Variants in SH3BP2 observed in about 807,000 individuals in gnomAD.
The protein encoded by SH3BP2 is SH3 domain-binding protein 2.
A neutral mutation model predicts 56.2 loss-of-function variants in SH3BP2; 38 were observed. The observed-to-expected ratio is 0.68, with a 90% CI of 0.52 to 0.89. The LOEUF (loss-of-function observed/expected upper bound fraction) is 0.89. SH3BP2 is among the 40% of genes least tolerant of loss of function. The pLI, the probability that SH3BP2 is intolerant of heterozygous loss-of-function variation, is 0.00. For synonymous variants in SH3BP2, 346 were observed against 316.7 expected (o/e 1.09, Z -0.98); for missense variants, 748 against 762.6 (o/e 0.98, Z 0.23).
At chr4:2,824,491 C>A (rs75140118) in intron 3 of SH3BP2, 122 bp from the exon 4 acceptor site, 2 of 778,264 alleles carry the variant, frequency 2.6e-6, no homozygotes, top group South Asian at 1.4e-5. Context: ...AGGGCCCACC[C>A]GATCTGCCCT....
At chr4:2,815,983 CTAGTA>C (rs1354046212) in intron 1 of SH3BP2, among the ~76,000 whole-genome samples, 9 of 152,140 alleles carry the variant, frequency 5.9e-5, no homozygotes, top group Non-Finnish European at 1.2e-4. Context: ...TGGATTGTTG[CTAGTA>C]TATAGAAATA....
chr4:2,818,096 G>A (rs1391661431), intron 1 of SH3BP2: 1 of 509,120 alleles, frequency 2.0e-6, no homozygotes, highest in Non-Finnish European at 2.5e-6. Context: ...GGGGGCTCAC[G>A]TGCCTCCCGC....
chr4:2,799,141 C>T lies in SH3BP2; in HGVS notation c.-5+6003C>T, dbSNP rs145040896. 1.9e-5 allele frequency: 19 copies of T among 985,802 alleles called. 1 individual carries two copies. The highest frequency in any genetic ancestry group is 1.0e-3 in the Middle Eastern group (2 of 1,914). 61.1% of individuals were successfully genotyped at this position (985,802 alleles called of 1,614,324 possible). A position where few individuals can be genotyped will look rare whatever the true frequency, so the allele number is the denominator to read the frequency against. ...CTCAGGACTTCGTTCCTGCTGTACCCCTGCTGGCTGCCTGTCCCCACAGGT... is the reference window on the plus strand; with the variant it reads ...CTCAGGACTTCGTTCCTGCTGTACCTCTGCTGGCTGCCTGTCCCCACAGGT... On this transcript the variant is annotated intron_variant, in intron 1 of 12. Coordinates refer to ENST00000503393, the MANE Select transcript of SH3BP2 (RefSeq NM_001122681.2).
intron 1 of SH3BP2, among the ~76,000 whole-genome samples, chr4:2,811,112 G>A (rs751421357): frequency 2.6e-5 from 4 of 152,094 alleles, no homozygotes; most frequent in African/African-American, 7.2e-5. Flanking sequence ...CAGCCCAAAC[G>A]GGCCCCGAGG....
Position 2,823,028 on chromosome 4 carries a change from G to C in SH3BP2, c.230G>C (p.Gly77Ala). 6.2e-7 allele frequency: 1 copy of C among 1,612,952 alleles called. No homozygotes were observed. Among genetic ancestry groups the C allele is most frequent in the Non-Finnish European group, 8.5e-7 (1 of 1,179,164 alleles). Residue 77 changes from glycine (G) to alanine (A), a missense_variant, in exon 3 of 13, where the codon GGC becomes GCC. Transcript: ENST00000503393. Reference protein sequence around the residue: ...ASPQGAFSLSGYNRVMRAAEE... With the variant: ...ASPQGAFSLSAYNRVMRAAEE... Reference sequence around the variant, plus strand: ...CCGCAGGGCGCCTTCTCCCTGAGTGGCTATAACCGGTAAGTGCCCGACCTG... The same window carrying C: ...CCGCAGGGCGCCTTCTCCCTGAGTGCCTATAACCGGTAAGTGCCCGACCTG...
chr4:2,802,908 A>G (rs1231730816), intron 1 of SH3BP2, among the ~76,000 whole-genome samples: 1 of 152,152 alleles, frequency 6.6e-6, no homozygotes, highest in Non-Finnish European at 1.5e-5. Flanking sequence ...GAGGGGCCCA[A>G]GGACCCTCAG....
intron 1 of SH3BP2, among the ~76,000 whole-genome samples, chr4:2,804,926 A>G (rs899216917): frequency 6.6e-6 from 1 of 152,216 alleles, no homozygotes; most frequent in Non-Finnish European, 1.5e-5. Flanking sequence ...GGAGAACAAA[A>G]CGAGCAGTTG....
intron 1 of SH3BP2, among the ~76,000 whole-genome samples, chr4:2,816,213 T>C (rs1285932674): frequency 6.6e-6 from 1 of 152,080 alleles, no homozygotes; most frequent in African/African-American, 2.4e-5. Flanking sequence ...TGCCACCTGG[T>C]ATTTTTAGTA....
intron 1 of SH3BP2, among the ~76,000 whole-genome samples, chr4:2,816,241 A>G (rs912466264): frequency 4.6e-5 from 7 of 152,094 alleles, no homozygotes; most frequent in Non-Finnish European, 1.0e-4. Context: ...GGGTTTCACC[A>G]TGTTGGCCAC....
intron 1 of SH3BP2, chr4:2,812,245 A>C: frequency 3.3e-6 from 5 of 1,521,032 alleles, no homozygotes; most frequent in Non-Finnish European, 3.5e-6. Flanking sequence ...GGAGCAGGGA[A>C]CAGGAAGTCC....
At position 2,799,412 on chromosome 4, in the gene SH3BP2, T is replaced by A. The variant is rs1005860990; in HGVS notation, c.-5+6274T>A. Reference sequence around the variant, plus strand: ...TGCTGGCTTCAGGAAGGTTTGCTACTTGGGGCAGGGGCTCTCTGAGATCAA... The same window carrying A: ...TGCTGGCTTCAGGAAGGTTTGCTACATGGGGCAGGGGCTCTCTGAGATCAA... On this transcript the variant is annotated intron_variant, in intron 1 of 12. Transcript: ENST00000503393. 19 of 473,814 alleles carry A rather than the reference T, an allele frequency of 4.0e-5. 1 individual carries two copies. Among genetic ancestry groups the A allele is most frequent in the Non-Finnish European group, 5.2e-5 (19 of 362,494 alleles). The allele number at this position is 473,814 out of a possible 1,614,324, so 29.4% of individuals were successfully genotyped here.
chr4:2,812,959 T>C (rs1291816463), intron 1 of SH3BP2, among the ~76,000 whole-genome samples: 7 of 152,180 alleles, frequency 4.6e-5, no homozygotes, highest in Non-Finnish European at 8.8e-5. Flanking sequence ...AAACCTGCAA[T>C]GTGGAGGACC....
intron 1 of SH3BP2, among the ~76,000 whole-genome samples, chr4:2,800,683 G>T (rs369703504): frequency 5.8e-4 from 89 of 152,280 alleles, no homozygotes; most frequent in African/African-American, 2.1e-3. Flanking sequence ...CGGCTCCCAC[G>T]GGTCTGGGGC....
chr4:2,824,159 C>G (rs1006657849), intron 3 of SH3BP2, among the ~76,000 whole-genome samples: 2 of 152,190 alleles, frequency 1.3e-5, no homozygotes, highest in Non-Finnish European at 2.9e-5. Flanking sequence ...TCAGCGCAAA[C>G]CCCACATCCT....
In SH3BP2 at chr4:2,829,164, C is replaced by T. The variant is rs774495092; in HGVS notation, c.587-329C>T. ...ATTCCGTCCTCCCTCTCGCTCCAGC[C>T]GAGCCCTGAGATCCTTCTTGACTTC... On this transcript the variant is annotated intron_variant, in intron 7 of 12. Transcript: ENST00000503393. The surrounding 1 kb of genome is among the most constrained non-coding windows in gnomAD (Gnocchi z 4.9). Among the ~76,000 whole-genome samples the T allele has an allele frequency of 3.2e-4, 48 of 152,292 alleles. No homozygotes were observed. The highest frequency in any genetic ancestry group is 1.1e-3 in the African/African-American group (46 of 41,548).
In SH3BP2 at chr4:2,840,678, T is replaced by A. The variant is rs1377929083; in HGVS notation, c.*6844T>A. On this transcript the variant is annotated 3_prime_UTR_variant, in exon 13 of 13. Coordinates refer to ENST00000503393, the MANE Select transcript of SH3BP2 (RefSeq NM_001122681.2). The stretch of plus-strand genomic sequence containing the variant: ...AGAGTGTCTTGACTATTCTGGCTCT[T>A]TGTATTTTCATGTAAGGTTTTTCTC... The A allele has an allele frequency of 6.6e-6, 1 of 152,236 alleles. No homozygotes were observed. The highest frequency in any genetic ancestry group is 1.5e-5 in the Non-Finnish European group (1 of 68,048). The allele number at this position is 152,236 out of a possible 1,614,324, so 9.4% of individuals were successfully genotyped here.
intron 1 of SH3BP2, among the ~76,000 whole-genome samples, chr4:2,808,708 C>T (rs1231016340): frequency 6.6e-6 from 1 of 152,084 alleles, no homozygotes. Flanking sequence ...TCATGCAAAA[C>T]ATCTTATTTT....
intron 1 of SH3BP2, chr4:2,812,426 C>T: frequency 6.5e-7 from 1 of 1,550,288 alleles, no homozygotes; most frequent in Non-Finnish European, 8.7e-7. Context: ...AGGACACCGG[C>T]CCCGAGCAGG....
rs1724110507 is a variant in SH3BP2, at chr4:2,818,422, G to A, written c.-4-2192G>A. ...ACCGAGCCCCGGCCCCCGAGCCCCG[G>A]GACCCGGGCCGCGAGCTTCCGGCTC... is the stretch of plus-strand genomic sequence containing the variant. On this transcript the variant is annotated intron_variant, in intron 1 of 12. Transcript: ENST00000503393. 10 of 1,135,750 alleles carry A rather than the reference G, an allele frequency of 8.8e-6. No individual in the cohort carries two copies. In the East Asian group the frequency reaches 3.3e-4, roughly 38 times the overall value. 70.4% of individuals were successfully genotyped at this position (1,135,750 alleles called of 1,614,324 possible).
Sources: allele counts gnomAD v4.1 joint callset (sites outside exome capture counted in the v4.1 genomes callset), GRCh38; gene constraint gnomAD v4.1.1; non-coding constraint Gnocchi (gnomAD v3.1); transcripts MANE v1.5; gene names NCBI Gene and HGNC (gene_info 2026-07-23, HGNC 2026-07-21).